PTGES3: variants seen among roughly 807,000 people sequenced by gnomAD.
PTGES3 encodes prostaglandin E synthase 3, also known as Hsp90 co-chaperone.
A neutral mutation model predicts 29.9 loss-of-function variants in PTGES3; 5 were observed. The observed-to-expected ratio is 0.17, with a 90% CI of 0.09 to 0.35. PTGES3 has a LOEUF of 0.35. Ranked by LOEUF, PTGES3 falls within the 10% of genes least tolerant of loss-of-function variation. The pLI, the probability that PTGES3 is intolerant of heterozygous loss-of-function variation, is 1.00. For synonymous variants in PTGES3, 49 were observed against 57.8 expected, an observed-to-expected ratio of 0.85 and a Z score of 0.69; for missense variants, 128 against 190.0, an observed-to-expected ratio of 0.67 and a Z score of 1.92.
At chr12:56,680,163 C>T (rs577579031) in intron 1 of PTGES3, among the ~76,000 whole-genome samples, 117 of 151,334 alleles carry the variant, frequency 7.7e-4, no homozygotes, top group African/African-American at 2.6e-3. Context: ...TCTTCACTTC[C>T]GGGGTTCAGG....
rs1015769370 is a variant in PTGES3 at position 56,688,214 on chromosome 12, G to A, written c.-215C>T. ...GAGCGGCTCCTCCGGTCGGGGAGAA[G>A]AGGAAAGTGTAGGAAAAGGGGCGCG... On this transcript the variant is annotated 5_prime_UTR_variant, in exon 1 of 8. Transcript: ENST00000262033. 4.7e-6 allele frequency: 4 copies of A among 854,372 alleles called. No homozygotes were observed. Among genetic ancestry groups the A allele is most frequent in the South Asian group, 2.2e-5 (1 of 45,520 alleles). The allele number at this position is 854,372 out of a possible 1,614,324, so 52.9% of individuals were successfully genotyped here. A position where few individuals can be genotyped will look rare whatever the true frequency, so the allele number is the denominator to read the frequency against.
intron 5 of PTGES3, among the ~76,000 whole-genome samples, chr12:56,669,339 T>C (rs1401719321): frequency 6.6e-6 from 1 of 152,132 alleles, no homozygotes; most frequent in African/African-American, 2.4e-5. Context: ...ATCACAGGCA[T>C]GCACCACTAC....
intron 4 of PTGES3, 101 bp from the exon 5 acceptor site, chr12:56,670,465 C>G (rs1335882566): frequency 1.2e-6 from 1 of 817,386 alleles, no homozygotes; most frequent in Non-Finnish European, 2.0e-6. Context: ...CCAGGTCTTG[C>G]TATGTTGCCC....
chr12:56,682,429 G>A (rs954156953), intron 1 of PTGES3, among the ~76,000 whole-genome samples: 6 of 152,052 alleles, frequency 3.9e-5, no homozygotes, highest in Non-Finnish European at 5.9e-5. Context: ...GGGTGTGGTG[G>A]TGCACACCTG....
In PTGES3 at chr12:56,664,010, C is replaced by T. The variant is rs1951701792; in HGVS notation, c.*469G>A. The T allele has an allele frequency of 6.5e-6, 1 of 155,020 alleles. No homozygotes were observed. Among genetic ancestry groups the T allele is most frequent in the Admixed American group, 6.6e-5 (1 of 15,266 alleles). 9.6% of individuals were successfully genotyped at this position (155,020 alleles called of 1,614,324 possible). The stretch of plus-strand genomic sequence containing the variant: ...AAAAATAAATTTTAGTGGAACAATC[C>T]TGAAGGATAACACCAGAAGAATAGC... On this transcript the variant is annotated 3_prime_UTR_variant, in exon 8 of 8. Coordinates refer to ENST00000262033, the MANE Select transcript of PTGES3 (RefSeq NM_006601.7).
At chr12:56,667,636 GAC>G (rs1951838465) in intron 5 of PTGES3, among the ~76,000 whole-genome samples, 1 of 152,200 alleles carries the variant, frequency 6.6e-6, no homozygotes. Flanking sequence ...AAGATAGTCA[GAC>G]ACACAAAAAT....
At chr12:56,666,157 T>TG in intron 6 of PTGES3, 47 bp downstream of exon 6, 1 of 1,536,060 alleles carries the variant, frequency 6.5e-7, no homozygotes, top group Non-Finnish European at 8.8e-7. Flanking sequence ...TGTTTCTTAC[T>TG]ATTTAATAGT....
intron 1 of PTGES3, among the ~76,000 whole-genome samples, chr12:56,675,257 G>A (rs1056780194): frequency 1.4e-4 from 21 of 151,410 alleles, no homozygotes; most frequent in East Asian, 7.7e-4. Context: ...CCAAGATCAC[G>A]CCACTGCACT....
At chr12:56,687,606 A>T (rs1022669224) in intron 1 of PTGES3, 2 of 1,087,310 alleles carry the variant, frequency 1.8e-6, no homozygotes, top group Non-Finnish European at 1.1e-6. Flanking sequence ...GGGACCACAA[A>T]GCAACAGAAC....
chr12:56,669,821 C>T (rs148294646), intron 5 of PTGES3, among the ~76,000 whole-genome samples: 73 of 151,526 alleles, frequency 4.8e-4, no homozygotes, highest in African/African-American at 1.4e-3. Context: ...CAAGTTGGCC[C>T]GTATGATCTA....
chr12:56,673,076 A>AT lies in PTGES3; in HGVS notation c.3-12dup. The AT allele has an allele frequency of 6.4e-7, 1 of 1,567,190 alleles. No homozygotes were observed. Among genetic ancestry groups the AT allele is most frequent in the Non-Finnish European group, 8.7e-7 (1 of 1,152,648 alleles). Reference sequence around the variant, plus strand: ...GCAGAAGCAGGCTGCCTACAAAAGGATAAAGTAGGGAAAGTCAAGCTGGAA... The same window carrying AT: ...GCAGAAGCAGGCTGCCTACAAAAGGATTAAAGTAGGGAAAGTCAAGCTGGAA... On this transcript the variant is annotated splice_polypyrimidine_tract_variant and intron_variant, in intron 1 of 7. Coordinates refer to ENST00000262033, the MANE Select transcript of PTGES3 (RefSeq NM_006601.7).
intron 1 of PTGES3, among the ~76,000 whole-genome samples, chr12:56,685,876 A>C (rs1172702583): frequency 6.7e-6 from 1 of 148,636 alleles, no homozygotes; most frequent in African/African-American, 2.5e-5. Flanking sequence ...TCCTGGGTTC[A>C]AGCGATTCTC....
chr12:56,671,703 T>C, intron 4 of PTGES3, 46 bp downstream of exon 4: 2 of 1,261,428 alleles, frequency 1.6e-6, no homozygotes, highest in Non-Finnish European at 2.2e-6. Flanking sequence ...TTTTATTACC[T>C]AAAATAAAAA....
chr12:56,686,348 G>A (rs1335800200), intron 1 of PTGES3, among the ~76,000 whole-genome samples: 1 of 149,072 alleles, frequency 6.7e-6, no homozygotes, highest in Non-Finnish European at 1.5e-5. Context: ...AAATAGAAAA[G>A]CAAAAACTAT....
At chr12:56,673,440 T>C (rs2137632786) in intron 1 of PTGES3, among the ~76,000 whole-genome samples, 1 of 125,952 alleles carries the variant, frequency 7.9e-6, no homozygotes, top group African/African-American at 3.0e-5. Flanking sequence ...GAGACCAGCC[T>C]GGCCAGCACA....
chr12:56,664,988 G>T, intron 6 of PTGES3, 188 bp from the exon 7 acceptor site: 1 of 985,342 alleles, frequency 1.0e-6, no homozygotes, highest in Non-Finnish European at 1.2e-6. Flanking sequence ...TACAGCAGAG[G>T]ATTTATCTAC....
rs1335234488 is a variant in PTGES3 at position 56,673,484 on chromosome 12, GGAAAAAAAAAAAA to G, written c.3-432_3-420del. Among the ~76,000 whole-genome samples the G allele has an allele frequency of 4.1e-3, 151 of 36,848 alleles. 4 individuals are homozygous for G. The highest frequency in any genetic ancestry group is 8.8e-3 in the African/African-American group (141 of 16,098). 24.2% of individuals were successfully genotyped at this position (36,848 alleles called of 152,430 possible). A position where few individuals can be genotyped will look rare whatever the true frequency, so the allele number is the denominator to read the frequency against. ...CCGACTCTACTACAAATACAAATACGGAAAAAAAAAAAAAAAAAAAAAAAAAAAGCAGGGTACG... is the reference window on the plus strand; with the variant it reads ...CCGACTCTACTACAAATACAAATACGAAAAAAAAAAAAAAAGCAGGGTACG... On this transcript the variant is annotated intron_variant, in intron 1 of 7. Coordinates refer to ENST00000262033, the MANE Select transcript of PTGES3 (RefSeq NM_006601.7).
At chr12:56,666,748 T>TCCAG (rs1219895534) in intron 5 of PTGES3, among the ~76,000 whole-genome samples, 1 of 152,106 alleles carries the variant, frequency 6.6e-6, no homozygotes, top group Non-Finnish European at 1.5e-5. Flanking sequence ...TGCCTCGGCC[T>TCCAG]CCAGGGTAGC....
At chr12:56,677,516 G>C (rs537086889) in intron 1 of PTGES3, among the ~76,000 whole-genome samples, 15 of 152,084 alleles carry the variant, frequency 9.9e-5, no homozygotes, top group Admixed American at 7.9e-4. Context: ...TTGGAAAAAC[G>C]AATTTACATT....
Sources: allele counts gnomAD v4.1 joint callset (sites outside exome capture counted in the v4.1 genomes callset), GRCh38; gene constraint gnomAD v4.1.1; transcripts MANE v1.5; gene names NCBI Gene and HGNC (gene_info 2026-07-23, HGNC 2026-07-21).